The following PDCD6IP variants were observed in gnomAD, a reference collection of about 807,000 sequenced individuals.
PDCD6IP encodes the protein programmed cell death 6-interacting protein.
A neutral mutation model predicts 103.7 loss-of-function variants in PDCD6IP; 43 were observed. The observed-to-expected ratio is 0.41, with a 90% CI of 0.32 to 0.53. The LOEUF is 0.53. PDCD6IP is among the 20% of genes least tolerant of loss of function. The probability of loss-of-function intolerance (pLI) is 0.16; values close to 1 mark genes in which losing one functional copy is unlikely to be tolerated. For missense variants in PDCD6IP, 871 were observed against 1,036.7 expected, an observed-to-expected ratio of 0.84 and a Z score of 2.20; for synonymous variants, 354 against 378.7, an observed-to-expected ratio of 0.93 and a Z score of 0.76.
chr3:33,837,473 A>G (rs1168670733), intron 8 of PDCD6IP, among the ~76,000 whole-genome samples: 1 of 152,124 alleles, frequency 6.6e-6, no homozygotes, highest in Non-Finnish European at 1.5e-5. Flanking sequence ...TACTGTTATT[A>G]TCCCTATTTG....
rs1696768357 is a variant in PDCD6IP, at chr3:33,813,729, A to G, written c.334+101A>G. ...ATCCTAATGACTCTTTGTAAATACTAAAGTTTTTTACATTTCATTCTCTTT... is the reference window on the plus strand; with the variant it reads ...ATCCTAATGACTCTTTGTAAATACTGAAGTTTTTTACATTTCATTCTCTTT... On this transcript the variant is annotated intron_variant, in intron 3 of 17. Transcript: ENST00000307296. 1.0e-5 allele frequency: 7 copies of G among 700,960 alleles called. No individual in the cohort carries two copies. In the South Asian group the frequency reaches 1.3e-4, roughly 13 times the overall value. 43.4% of individuals were successfully genotyped at this position (700,960 alleles called of 1,614,324 possible).
chr3:33,818,441 A>T (rs914681100), intron 3 of PDCD6IP, among the ~76,000 whole-genome samples: 1 of 149,314 alleles, frequency 6.7e-6, no homozygotes, highest in African/African-American at 2.5e-5. Flanking sequence ...CTCTCCTGCC[A>T]CACTGGCCTA....
At chr3:33,817,872 C>G (rs1052996692) in intron 3 of PDCD6IP, among the ~76,000 whole-genome samples, 23 of 150,888 alleles carry the variant, frequency 1.5e-4, no homozygotes, top group African/African-American at 5.6e-4. Flanking sequence ...GTTTTGAAAA[C>G]CTGGTTTAAG....
chr3:33,826,453 A>G lies in PDCD6IP; in HGVS notation c.617-27A>G, dbSNP rs761340856. The G allele has an allele frequency of 1.5e-5, 22 of 1,505,956 alleles. No individual in the cohort carries two copies. In the East Asian group the frequency reaches 4.3e-4, roughly 30 times the overall value. The allele number at this position is 1,505,956 out of a possible 1,614,324, so 93.3% of individuals were successfully genotyped here. On this transcript the variant is annotated intron_variant, in intron 5 of 17. Transcript: ENST00000307296. ...TGTCAGATTAGCTCATATTTATTTT[A>G]ATTATAATGGTCATATTGTATTCCA...
chr3:33,846,613 T>C (rs929900701), intron 12 of PDCD6IP, among the ~76,000 whole-genome samples: 9 of 152,180 alleles, frequency 5.9e-5, no homozygotes, highest in Non-Finnish European at 1.0e-4. Flanking sequence ...ATTGGCACAT[T>C]ATGAGAACAG....
intron 6 of PDCD6IP, 80 bp from the exon 7 acceptor site, chr3:33,828,773 C>A: frequency 1.3e-6 from 2 of 1,519,948 alleles, no homozygotes; most frequent in Middle Eastern, 1.7e-4. Context: ...GTCTTCTTTT[C>A]CTTTTTCTTC....
chr3:33,835,587 G>A (rs1260486128), intron 7 of PDCD6IP, among the ~76,000 whole-genome samples: 1 of 152,108 alleles, frequency 6.6e-6, no homozygotes, highest in African/African-American at 2.4e-5. Flanking sequence ...GTGTGGGGGT[G>A]CACGCTTGTA....
chr3:33,799,104 G>A (rs1696407434), intron 1 of PDCD6IP, 167 bp downstream of exon 1: 2 of 663,140 alleles, frequency 3.0e-6, no homozygotes, highest in East Asian at 2.8e-5. Context: ...AGCAGGACCC[G>A]CCCTGCAGGC....
Position 33,798,649 on chromosome 3 carries a change from C to T in PDCD6IP, c.-80C>T, listed in dbSNP as rs550890558. The T allele has an allele frequency of 6.8e-5, 88 of 1,296,946 alleles. No homozygotes were observed. The highest frequency in any genetic ancestry group is 8.8e-5 in the Non-Finnish European group (85 of 966,560). The allele number at this position is 1,296,946 out of a possible 1,614,324, so 80.3% of individuals were successfully genotyped here. A position where few individuals can be genotyped will look rare whatever the true frequency, so the allele number is the denominator to read the frequency against. ...TCAGCCAGTCAGTCCGCCAGTCCGC[C>T]AGCCCAGTACCTCTCTCTCCTCGGC... is the stretch of plus-strand genomic sequence containing the variant. On this transcript the variant is annotated 5_prime_UTR_variant, in exon 1 of 18. Coordinates refer to ENST00000307296, the MANE Select transcript of PDCD6IP (RefSeq NM_013374.6).
chr3:33,843,180 C>A (rs1231734199), intron 10 of PDCD6IP, among the ~76,000 whole-genome samples: 11 of 152,100 alleles, frequency 7.2e-5, no homozygotes, highest in Non-Finnish European at 1.5e-4. Context: ...AGCCAAGGTC[C>A]AGACAGGCAT....
At chr3:33,822,841 T>C (rs1697024382) in intron 4 of PDCD6IP, among the ~76,000 whole-genome samples, 6 of 151,998 alleles carry the variant, frequency 3.9e-5, no homozygotes, top group Admixed American at 3.9e-4. Flanking sequence ...GTATTTTTAG[T>C]AGAGATGGGG....
chr3:33,828,992 T>C (rs777042757), intron 7 of PDCD6IP, 23 bp downstream of exon 7: 3 of 1,538,294 alleles, frequency 2.0e-6, no homozygotes, highest in South Asian at 2.5e-5. Context: ...GTAATAAATA[T>C]TTAAGTAACT....
intron 12 of PDCD6IP, among the ~76,000 whole-genome samples, chr3:33,848,915 G>T (rs1697656007): frequency 6.6e-6 from 1 of 152,098 alleles, no homozygotes; most frequent in African/African-American, 2.4e-5. Flanking sequence ...CTGAAAAAAA[G>T]TCAAAAGAAT....
rs1004307453 is a variant in PDCD6IP, at chr3:33,866,640, T to G, written c.*115T>G. 1.3e-6 allele frequency: 1 copy of G among 764,100 alleles called. No homozygotes were observed. Among genetic ancestry groups the G allele is most frequent in the Admixed American group, 3.4e-5 (1 of 29,232 alleles). The allele number at this position is 764,100 out of a possible 1,614,324, so 47.3% of individuals were successfully genotyped here. On this transcript the variant is annotated 3_prime_UTR_variant, in exon 18 of 18. Transcript: ENST00000307296. ...ATGTAATGTACTCTCCTGGACTGAA[T>G]GCAGTGTATAATTTCTGTCTACAGC...
intron 15 of PDCD6IP, among the ~76,000 whole-genome samples, chr3:33,861,588 G>T (rs978468515): frequency 1.3e-5 from 2 of 152,068 alleles, no homozygotes; most frequent in Admixed American, 6.5e-5. Context: ...GGTATATATC[G>T]AGGTCAAAGG....
chr3:33,864,105 A>G lies in PDCD6IP; in HGVS notation c.2220A>G (p.Pro740=). The change falls in exon 16 of 18, where the codon CCA becomes CCG. Residue 740 remains proline (P), a synonymous_variant. Coordinates refer to ENST00000307296, the MANE Select transcript of PDCD6IP (RefSeq NM_013374.6). ...CAGGAGGACATGCACCAACTCCTCC[A>G]ACTCCAGCGCCAAGAACCATGCCGG... ...SPAGGHAPTP[P]TPAPRTMPPT... is the part of the protein sequence containing the mutation. 1 of 1,608,284 alleles carries G rather than the reference A, an allele frequency of 6.2e-7. No homozygotes were observed. Among genetic ancestry groups the G allele is most frequent in the Non-Finnish European group, 8.5e-7 (1 of 1,174,758 alleles).
chr3:33,800,227 G>A (rs1407283817), intron 1 of PDCD6IP, among the ~76,000 whole-genome samples: 1 of 151,468 alleles, frequency 6.6e-6, no homozygotes, highest in African/African-American at 2.4e-5. Flanking sequence ...TCTTGCCTCC[G>A]TGATGCTTCC....
At chr3:33,865,992 T>G (rs1698054928) in intron 17 of PDCD6IP, among the ~76,000 whole-genome samples, 2 of 152,220 alleles carry the variant, frequency 1.3e-5, no homozygotes, top group South Asian at 2.1e-4. Context: ...TTTATGTATA[T>G]CACAGTGAAT....
intron 4 of PDCD6IP, among the ~76,000 whole-genome samples, chr3:33,823,271 C>T (rs2125554791): frequency 6.6e-6 from 1 of 152,234 alleles, no homozygotes; most frequent in East Asian, 1.9e-4. Context: ...CCAAACCTCC[C>T]ATGAAATTTG....
Sources: gnomAD v4.1 joint callset for allele counts (sites outside exome capture counted in the v4.1 genomes callset) on GRCh38, gnomAD v4.1.1 for gene constraint, MANE v1.5 for transcripts, NCBI Gene and HGNC (gene_info 2026-07-23, HGNC 2026-07-21) for gene names.